The following USP15 variants were observed in gnomAD, a reference collection of about 807,000 sequenced individuals.
USP15 encodes ubiquitin specific peptidase 15.
A neutral mutation model predicts 127.1 loss-of-function variants in USP15; 18 were observed. The ratio of observed to expected loss-of-function variants is 0.14; its 90% CI spans 0.10 to 0.21. USP15 has a LOEUF of 0.21. Among genes scored for constraint, USP15 ranks in the 10% least tolerant of loss-of-function variants. The probability of loss-of-function intolerance (pLI) is 1.00; values close to 1 mark genes in which losing one functional copy is unlikely to be tolerated. For synonymous variants in USP15, 364 were observed against 393.7 expected (o/e 0.92, Z 0.89); for missense variants, 805 against 1,159.9 (o/e 0.69, Z 4.44).
intron 3 of USP15, among the ~76,000 whole-genome samples, chr12:62,308,092 G>C (rs1341391345): frequency 6.6e-6 from 1 of 152,046 alleles, no homozygotes; most frequent in East Asian, 1.9e-4. Flanking sequence ...GGATTAGTGT[G>C]CTATTTGTAG....
At chr12:62,322,425 C>T (rs771550470) in intron 5 of USP15, among the ~76,000 whole-genome samples, 5 of 152,160 alleles carry the variant, frequency 3.3e-5, no homozygotes, top group Non-Finnish European at 4.4e-5. Flanking sequence ...TGTGCGCCAC[C>T]GTGCCCGGCC....
chr12:62,298,266 T>C (rs2064196112), intron 2 of USP15, among the ~76,000 whole-genome samples: 1 of 152,180 alleles, frequency 6.6e-6, no homozygotes, highest in African/African-American at 2.4e-5. Flanking sequence ...GGCTCACACC[T>C]GTAATCCCAG....
intron 8 of USP15, among the ~76,000 whole-genome samples, chr12:62,365,730 T>A (rs1382608705): frequency 6.6e-6 from 1 of 152,228 alleles, no homozygotes; most frequent in Non-Finnish European, 1.5e-5. Flanking sequence ...GATTTTTGTA[T>A]AAGTTGTAAG....
At chr12:62,276,131 C>T (rs1009935371) in intron 1 of USP15, among the ~76,000 whole-genome samples, 1 of 152,016 alleles carries the variant, frequency 6.6e-6, no homozygotes, top group Non-Finnish European at 1.5e-5. Flanking sequence ...TCATAAAATT[C>T]CTTGTAATCC....
chr12:62,302,809 T>A lies in USP15; in HGVS notation c.237T>A (p.Leu79=). The change falls in exon 3 of 22, where the codon CTT becomes CTA. Residue 79 remains leucine, a synonymous_variant. Coordinates refer to ENST00000280377, the MANE Select transcript of USP15 (RefSeq NM_001252078.2). ...TTGCAGATGGTGATGCCCAGTCACTTAAGGAACACCTTATTGATGAATTGG... is the reference window on the plus strand; with the variant it reads ...TTGCAGATGGTGATGCCCAGTCACTAAAGGAACACCTTATTGATGAATTGG... The part of the protein sequence containing the change: ...GLLKDGDAQS[L]KEHLIDELDY... 6.2e-7 allele frequency: 1 copy of A among 1,611,296 alleles called. No individual in the cohort carries two copies. Among genetic ancestry groups the A allele is most frequent in the Non-Finnish European group, 8.5e-7 (1 of 1,178,218 alleles).
intron 6 of USP15, chr12:62,335,535 TCTC>T (rs1271068633): frequency 3.0e-5 from 33 of 1,099,618 alleles, no homozygotes; most frequent in Non-Finnish European, 3.7e-5. Context: ...TCTTTTATTA[TCTC>T]CTCTCTCCTA....
Position 62,294,213 on chromosome 12 carries a change from A to G in USP15, c.124A>G (p.Lys42Glu). The part of the protein sequence containing the change: ...LVDSRWFKQW[K>E]KYVGFDSWDK... ...CGATAGTCGCTGGTTCAAACAGTGG[A>G]AAAAATATGTTGGCTTTGACAGTTG... The change falls in exon 2 of 22, where the codon AAA becomes GAA. Residue 42 changes from lysine to glutamate, a missense_variant. Physicochemically the swap from Lys to Glu is moderately conservative, Grantham distance 56. This residue lies in a region of USP15 where 69 missense variants were observed against 126.4 expected (regional missense o/e 0.55). Coordinates refer to ENST00000280377, the MANE Select transcript of USP15 (RefSeq NM_001252078.2). 1 of 1,613,550 alleles carries G rather than the reference A, an allele frequency of 6.2e-7. No homozygotes were observed. Among genetic ancestry groups the G allele is most frequent in the Non-Finnish European group, 8.5e-7 (1 of 1,179,692 alleles).
At chr12:62,319,942 C>A (rs563043740) in intron 4 of USP15, among the ~76,000 whole-genome samples, 1 of 152,206 alleles carries the variant, frequency 6.6e-6, no homozygotes, top group African/African-American at 2.4e-5. Context: ...TGGCTTCTTC[C>A]TTTATCCTCT....
intron 11 of USP15, among the ~76,000 whole-genome samples, chr12:62,386,502 C>G (rs1364646625): frequency 2.6e-5 from 4 of 151,842 alleles, no homozygotes; most frequent in Admixed American, 6.6e-5. Context: ...AGTAACCTAC[C>G]CAAACTGGTT....
At position 62,394,679 on chromosome 12, in the gene USP15, C is replaced by T. The variant is rs576562901; in HGVS notation, c.2570+1477C>T. ...CCTAGCCAACGTGGTGAAACCCCAT[C>T]TCTACCAAAATTCAAAAACATTAGC... On this transcript the variant is annotated intron_variant, in intron 19 of 21. Coordinates refer to ENST00000280377, the MANE Select transcript of USP15 (RefSeq NM_001252078.2). 2.0e-3 allele frequency among the ~76,000 whole-genome samples: 306 copies of T among 152,122 alleles called. 1 individual carries two copies. Among genetic ancestry groups the T allele is most frequent in the South Asian group, 8.9e-3 (43 of 4,808 alleles).
chr12:62,350,175 A>G (rs1321393960), intron 7 of USP15, among the ~76,000 whole-genome samples: 1 of 151,940 alleles, frequency 6.6e-6, no homozygotes, highest in Admixed American at 6.6e-5. Context: ...GATTTTTTTC[A>G]GTTTCTAAAT....
chr12:62,348,557 C>A (rs947840385), intron 6 of USP15, among the ~76,000 whole-genome samples: 5 of 151,978 alleles, frequency 3.3e-5, no homozygotes, highest in African/African-American at 1.2e-4. Context: ...CTTTTAGTGA[C>A]CTTTATGTAC....
At chr12:62,330,893 T>G (rs2065275727) in intron 6 of USP15, among the ~76,000 whole-genome samples, 1 of 145,588 alleles carries the variant, frequency 6.9e-6, no homozygotes, top group African/African-American at 2.6e-5. Context: ...ACAACTGCAC[T>G]CTAGCCTGTG....
In USP15 at chr12:62,321,687, A is replaced by G. The variant is rs571035504; in HGVS notation, c.621+78A>G. On this transcript the variant is annotated intron_variant, in intron 5 of 21. Transcript: ENST00000280377. ...AAACTTTAATAATTATCCTGGCAAT[A>G]TATAATGGGCTGTACTGTTTCTGGC... 8 of 1,234,986 alleles carry G rather than the reference A, an allele frequency of 6.5e-6. No individual in the cohort carries two copies. In the East Asian group the frequency reaches 1.6e-4, roughly 25 times the overall value. 76.5% of individuals were successfully genotyped at this position (1,234,986 alleles called of 1,614,324 possible).
chr12:62,274,979 A>T (rs1299287049), intron 1 of USP15, among the ~76,000 whole-genome samples: 2 of 152,132 alleles, frequency 1.3e-5, no homozygotes, highest in Non-Finnish European at 2.9e-5. Flanking sequence ...CTGCAGAACT[A>T]AAGTACTTTT....
intron 6 of USP15, among the ~76,000 whole-genome samples, chr12:62,343,529 G>T (rs1434750641): frequency 6.6e-6 from 1 of 152,150 alleles, no homozygotes; most frequent in Non-Finnish European, 1.5e-5. Flanking sequence ...GAAACCCAGG[G>T]CCCTGGTGGT....
chr12:62,361,133 A>G (rs1243751429), intron 8 of USP15, among the ~76,000 whole-genome samples: 1 of 152,066 alleles, frequency 6.6e-6, no homozygotes, highest in Non-Finnish European at 1.5e-5. Context: ...TTTAAGAAAG[A>G]GTATATATGG....
At chr12:62,335,722 G>C in intron 6 of USP15, 1 of 984,050 alleles carries the variant, frequency 1.0e-6, no homozygotes, top group Non-Finnish European at 1.2e-6. Flanking sequence ...TTTTTTCTTT[G>C]ACAGCCACCT....
At chr12:62,300,037 T>G (rs2064260690) in intron 2 of USP15, among the ~76,000 whole-genome samples, 1 of 152,154 alleles carries the variant, frequency 6.6e-6, no homozygotes, top group Admixed American at 6.5e-5. Flanking sequence ...AGTTTGTTAT[T>G]TATTTAGGAT....
Sources: allele counts gnomAD v4.1 joint callset (sites outside exome capture counted in the v4.1 genomes callset), GRCh38; gene constraint gnomAD v4.1.1; regional missense constraint gnomAD v4.1.1; transcripts MANE v1.5; gene names NCBI Gene and HGNC (gene_info 2026-07-23, HGNC 2026-07-21).